The following CALHM4 variants were observed in gnomAD, a reference collection of about 807,000 sequenced individuals.
CALHM4 encodes calcium homeostasis modulator protein 4.
In CALHM4, 16 loss-of-function variants were observed where a neutral mutation model predicts 13.3. The ratio of observed to expected loss-of-function variants is 1.20; its 90% confidence interval spans 0.81 to 1.82. The LOEUF is 1.82. Among genes scored for constraint, CALHM4 ranks in the 40% most tolerant of loss-of-function variants. CALHM4 has a pLI of 0.00. For synonymous variants in CALHM4, 127 were observed against 137.1 expected, an observed-to-expected ratio of 0.93 and a Z score of 0.52; for missense variants, 344 against 374.9, an observed-to-expected ratio of 0.92 and a Z score of 0.68.
At chr6:116,556,639 C>T (rs2115297871) in intron 1 of CALHM4, among the ~76,000 whole-genome samples, 1 of 152,274 alleles carries the variant, frequency 6.6e-6, no homozygotes, top group Admixed American at 6.5e-5. Context: ...CTGCATACTG[C>T]TAGCGTCCCT....
intron 2 of CALHM4, among the ~76,000 whole-genome samples, chr6:116,546,425 G>C (rs1261424020): frequency 6.6e-6 from 1 of 152,220 alleles, no homozygotes; most frequent in Non-Finnish European, 1.5e-5. Context: ...GTTTAGGAAA[G>C]TAATTTTCTT....
At chr6:116,536,855 C>T (rs1773126981) in intron 1 of CALHM4, among the ~76,000 whole-genome samples, 1 of 152,158 alleles carries the variant, frequency 6.6e-6, no homozygotes, top group East Asian at 1.9e-4. Flanking sequence ...CTCTGTAAAA[C>T]TGACTGTATC....
chr6:116,552,562 A>G (rs750138056), upstream of CALHM4, among the ~76,000 whole-genome samples: 5 of 152,028 alleles, frequency 3.3e-5, no homozygotes, highest in Admixed American at 6.6e-5. Context: ...TTTTGGGTGA[A>G]TTTCTCAGTA....
chr6:116,530,704 T>C (rs1362142509), intron 1 of CALHM4, among the ~76,000 whole-genome samples: 1 of 151,968 alleles, frequency 6.6e-6, no homozygotes, highest in Non-Finnish European at 1.5e-5. Context: ...TTTTGAAGTG[T>C]TTGCTTTCTT....
intron 1 of CALHM4, among the ~76,000 whole-genome samples, chr6:116,533,193 A>G (rs954005798): frequency 1.3e-5 from 2 of 152,212 alleles, no homozygotes; most frequent in Non-Finnish European, 2.9e-5. Context: ...CACTTCTAAC[A>G]GCAGTCAAAT....
chr6:116,548,654 T>C (rs953836251), intron 2 of CALHM4, among the ~76,000 whole-genome samples: 1 of 152,186 alleles, frequency 6.6e-6, no homozygotes, highest in Admixed American at 6.5e-5. Context: ...GCTCCTCAAC[T>C]TGTGATAGGG....
chr6:116,545,389 C>T, intron 2 of CALHM4: 1 of 1,197,132 alleles, frequency 8.4e-7, no homozygotes, highest in Non-Finnish European at 1.2e-6. Context: ...ATTCTTATAG[C>T]ATCAGTTTTT....
chr6:116,533,567 A>G (rs1290764879), intron 1 of CALHM4, among the ~76,000 whole-genome samples: 1 of 152,208 alleles, frequency 6.6e-6, no homozygotes, highest in African/African-American at 2.4e-5. Context: ...TTAAAACGGC[A>G]ATAGAAATGT....
intron 2 of CALHM4, among the ~76,000 whole-genome samples, chr6:116,544,087 C>A (rs1032949655): frequency 6.7e-6 from 1 of 149,440 alleles, no homozygotes; most frequent in South Asian, 2.1e-4. Context: ...ATATAAGAGC[C>A]ACAGCAGAAG....
upstream of CALHM4, among the ~76,000 whole-genome samples, chr6:116,552,454 A>G (rs1400250895): frequency 6.6e-6 from 1 of 151,990 alleles, no homozygotes; most frequent in Non-Finnish European, 1.5e-5. Flanking sequence ...TTGCCTGTCT[A>G]TTCCTTCCTT....
At chr6:116,550,200 T>C (rs993285267), upstream of CALHM4, among the ~76,000 whole-genome samples, 2 of 152,002 alleles carry the variant, frequency 1.3e-5, no homozygotes, top group African/African-American at 4.8e-5. Flanking sequence ...AATATTATTG[T>C]TCCCATTGAT....
At chr6:116,556,604 GA>G (rs1282194391) in intron 1 of CALHM4, among the ~76,000 whole-genome samples, 1 of 152,212 alleles carries the variant, frequency 6.6e-6, no homozygotes, top group African/African-American at 2.4e-5. Context: ...AGATGCAGAA[GA>G]GGCCTTCACT....
chr6:116,547,610 T>G (rs1050044317), intron 2 of CALHM4, among the ~76,000 whole-genome samples: 1 of 152,200 alleles, frequency 6.6e-6, no homozygotes, highest in Non-Finnish European at 1.5e-5. Context: ...CAGCAGCTCT[T>G]AGGATGCAAG....
At chr6:116,551,452 A>T (rs1352572647), upstream of CALHM4, among the ~76,000 whole-genome samples, 1 of 152,218 alleles carries the variant, frequency 6.6e-6, no homozygotes. Flanking sequence ...TTTCATCCGG[A>T]AAATTATTTC....
intron 1 of CALHM4, among the ~76,000 whole-genome samples, chr6:116,530,573 C>T (rs1005931248): frequency 6.6e-6 from 1 of 152,070 alleles, no homozygotes; most frequent in African/African-American, 2.4e-5. Flanking sequence ...TCTACCAAAG[C>T]GTTCCTCTGA....
chr6:116,550,703 T>C (rs1774038383), upstream of CALHM4, among the ~76,000 whole-genome samples: 1 of 152,214 alleles, frequency 6.6e-6, no homozygotes, highest in Admixed American at 6.5e-5. Flanking sequence ...ATTTCCTCTT[T>C]TTTGAATTAT....
intron 1 of CALHM4, among the ~76,000 whole-genome samples, chr6:116,539,992 T>C (rs908778077): frequency 1.3e-5 from 2 of 152,168 alleles, no homozygotes; most frequent in African/African-American, 4.8e-5. Flanking sequence ...TATTCTTTGA[T>C]ACTACCAAAA....
intron 1 of CALHM4, among the ~76,000 whole-genome samples, chr6:116,532,979 C>T (rs1355287145): frequency 3.9e-5 from 6 of 152,196 alleles, no homozygotes; most frequent in Non-Finnish European, 7.3e-5. Context: ...CATTTCAGAA[C>T]GTCAACTTGG....
At chr6:116,534,347 C>A (rs113015914) in intron 1 of CALHM4, among the ~76,000 whole-genome samples, 1 of 152,218 alleles carries the variant, frequency 6.6e-6, no homozygotes, top group Non-Finnish European at 1.5e-5. Context: ...AAATCTATAG[C>A]CCTCATGCTG....
Sources: gnomAD v4.1 joint callset for allele counts (sites outside exome capture counted in the v4.1 genomes callset) on GRCh38, gnomAD v4.1.1 for gene constraint, MANE v1.5 for transcripts, NCBI Gene and HGNC (gene_info 2026-07-23, HGNC 2026-07-21) for gene names.